Variants in MAGI2 observed in about 807,000 individuals in gnomAD.
The protein encoded by MAGI2 is membrane associated guanylate kinase, WW and PDZ domain containing 2, also known as membrane-associated guanylate kinase, WW and PDZ domain-containing protein 2.
MAGI2 carries 35 observed loss-of-function variants against 133.3 expected under a neutral mutation model. That is an observed-to-expected ratio of 0.26 (90% CI 0.20 to 0.35). MAGI2 has a LOEUF of 0.35. Among genes scored for constraint, MAGI2 ranks in the 10% least tolerant of loss-of-function variants. MAGI2 has a pLI of 1.00. For missense variants in MAGI2, 1,636 were observed against 1,863.4 expected (o/e 0.88, Z 2.25); for synonymous variants, 729 against 710.6 (o/e 1.03, Z -0.41).
At chr7:78,652,234 A>T (rs1811654865) in intron 2 of MAGI2, among the ~76,000 whole-genome samples, 1 of 152,096 alleles carries the variant, frequency 6.6e-6, no homozygotes. Flanking sequence ...TGATTTCCTC[A>T]CTTGGATCTA....
chr7:78,421,492 C>T, intron 6 of MAGI2, among the ~76,000 whole-genome samples: 1 of 152,104 alleles, frequency 6.6e-6, no homozygotes, highest in East Asian at 1.9e-4. Context: ...TTATTTTCGT[C>T]ACATATAAAA....
At chr7:78,545,629 T>G (rs1798770365) in intron 3 of MAGI2, among the ~76,000 whole-genome samples, 1 of 152,202 alleles carries the variant, frequency 6.6e-6, no homozygotes, top group South Asian at 2.1e-4. Context: ...TAACCGCTAT[T>G]TAATGACATT....
At chr7:79,283,828 T>C (rs185530446) in intron 1 of MAGI2, among the ~76,000 whole-genome samples, 6 of 152,278 alleles carry the variant, frequency 3.9e-5, no homozygotes, top group Admixed American at 2.6e-4. Flanking sequence ...TATACATTCA[T>C]GTGCTGCATA....
At chr7:78,359,964 A>G (rs971713203) in intron 7 of MAGI2, among the ~76,000 whole-genome samples, 1 of 152,236 alleles carries the variant, frequency 6.6e-6, no homozygotes, top group African/African-American at 2.4e-5. Context: ...AACATAAGCT[A>G]TTACTAACAT....
chr7:79,289,595 G>A (rs13238204), intron 1 of MAGI2, among the ~76,000 whole-genome samples: 1 of 152,010 alleles, frequency 6.6e-6, no homozygotes, highest in African/African-American at 2.4e-5. Context: ...AGTTTTATTA[G>A]ACCCAGATCA....
At chr7:79,098,483 G>C (rs1479842740) in intron 1 of MAGI2, among the ~76,000 whole-genome samples, 1 of 152,142 alleles carries the variant, frequency 6.6e-6, no homozygotes, top group Non-Finnish European at 1.5e-5. Context: ...CATTATTAGG[G>C]CTGAGATAAA....
At chr7:78,786,916 T>TG (rs1826865767) in intron 2 of MAGI2, among the ~76,000 whole-genome samples, 1 of 152,062 alleles carries the variant, frequency 6.6e-6, no homozygotes, top group Non-Finnish European at 1.5e-5. Flanking sequence ...CTGCCCCCAA[T>TG]AAGTATTGGT....
chr7:78,508,443 A>G (rs57616118), intron 4 of MAGI2, among the ~76,000 whole-genome samples: 6,233 of 152,198 alleles, frequency 0.041, 323 homozygotes, highest in African/African-American at 0.12. Context: ...TGCATTTTAG[A>G]TAATATATCT....
chr7:79,426,035 C>T (rs1001670662), intron 1 of MAGI2, among the ~76,000 whole-genome samples: 7 of 152,074 alleles, frequency 4.6e-5, no homozygotes, highest in Admixed American at 6.6e-5. Context: ...GGATGGTCTT[C>T]GAAACATTAT....
In MAGI2 at chr7:78,978,748, T is replaced by C. The variant is rs1437097823; in HGVS notation, c.418+28342A>G. Among the ~76,000 whole-genome samples, 4 of 151,862 alleles carry C rather than the reference T, an allele frequency of 2.6e-5. No homozygotes were observed. In the East Asian group the frequency reaches 5.8e-4, roughly 22 times the overall value. Reference sequence around the variant, plus strand: ...GTATGCAACATCTTCACTGAAGAGATGGCGTGGGGTCGGGGAGCAATGAGC... The same window carrying C: ...GTATGCAACATCTTCACTGAAGAGACGGCGTGGGGTCGGGGAGCAATGAGC... On this transcript the variant is annotated intron_variant, in intron 2 of 21. Transcript: ENST00000354212.
At chr7:78,926,457 A>T (rs554320305) in intron 2 of MAGI2, among the ~76,000 whole-genome samples, 97 of 152,180 alleles carry the variant, frequency 6.4e-4, no homozygotes, top group Middle Eastern at 3.4e-3. Flanking sequence ...AATCATGAAC[A>T]GACAGAATTG....
At chr7:78,737,991 A>T (rs1017432389) in intron 2 of MAGI2, among the ~76,000 whole-genome samples, 1 of 152,136 alleles carries the variant, frequency 6.6e-6, no homozygotes, top group Non-Finnish European at 1.5e-5. Context: ...ACTGCAATAC[A>T]TTTCATTACA....
At position 79,282,612 on chromosome 7, in the gene MAGI2, G is replaced by C. The variant is rs145937534; in HGVS notation, c.301+170408C>G. On this transcript the variant is annotated intron_variant, in intron 1 of 21. Transcript: ENST00000354212. ...AGAGAAAAGAACAAAAGAAGACAAG[G>C]GAATAGAAAAAAATCATAAGGAGGA... Among the ~76,000 whole-genome samples the C allele has an allele frequency of 4.6e-5, 7 of 152,002 alleles. No individual in the cohort carries two copies. In the East Asian group the frequency reaches 1.2e-3, roughly 25 times the overall value.
intron 1 of MAGI2, among the ~76,000 whole-genome samples, chr7:79,283,933 A>G (rs1199783429): frequency 1.3e-5 from 2 of 152,016 alleles, no homozygotes; most frequent in Non-Finnish European, 2.9e-5. Context: ...ATCTTTATCT[A>G]TATTAGATAC....
intron 3 of MAGI2, among the ~76,000 whole-genome samples, chr7:78,589,556 A>G (rs758991282): frequency 6.6e-6 from 1 of 152,186 alleles, no homozygotes; most frequent in Non-Finnish European, 1.5e-5. Context: ...AATTTGTTGA[A>G]TCTGCTTTCC....
intron 1 of MAGI2, among the ~76,000 whole-genome samples, chr7:79,367,858 C>CACACACACACACACACATATATATATAT: frequency 1.1e-5 from 1 of 87,114 alleles, no homozygotes; most frequent in African/African-American, 4.6e-5. Flanking sequence ...ATATATGTGA[C>CACACACACACACACACATATATATATAT]ATATATATAT....
chr7:78,212,225 C>T (rs1787833244), intron 10 of MAGI2, among the ~76,000 whole-genome samples: 1 of 152,106 alleles, frequency 6.6e-6, no homozygotes, highest in South Asian at 2.1e-4. Context: ...AACAGTGGCC[C>T]CCACAAAGAT....
At chr7:78,969,308 C>T (rs1803589622) in intron 2 of MAGI2, among the ~76,000 whole-genome samples, 1 of 152,080 alleles carries the variant, frequency 6.6e-6, no homozygotes, top group Non-Finnish European at 1.5e-5. Flanking sequence ...CTCTTCAAGC[C>T]TCTGTACTAA....
At chr7:78,229,133 T>C (rs932238188) in intron 10 of MAGI2, among the ~76,000 whole-genome samples, 2 of 152,096 alleles carry the variant, frequency 1.3e-5, no homozygotes, top group Admixed American at 6.6e-5. Context: ...TCAAAAGAAA[T>C]GGATGAGGGG....
Sources: gnomAD v4.1 joint callset for allele counts (sites outside exome capture counted in the v4.1 genomes callset) on GRCh38, gnomAD v4.1.1 for gene constraint, MANE v1.5 for transcripts, NCBI Gene and HGNC (gene_info 2026-07-23, HGNC 2026-07-21) for gene names.